LGSN: variants seen among roughly 807,000 people sequenced by gnomAD.
The protein encoded by LGSN is lengsin, lens protein with glutamine synthetase domain.
In LGSN, 21 loss-of-function variants were observed where a neutral mutation model predicts 19.5. The ratio of observed to expected loss-of-function variants is 1.07; its 90% CI spans 0.76 to 1.55. LGSN has a LOEUF of 1.55. Among genes scored for constraint, LGSN ranks in the 40% most tolerant of loss-of-function variants. The probability of loss-of-function intolerance (pLI) is 0.00; values close to 1 mark genes in which losing one functional copy is unlikely to be tolerated. For synonymous variants in LGSN, 257 were observed against 215.6 expected (o/e 1.19, Z -1.68); for missense variants, 673 against 608.5 (o/e 1.11, Z -1.12).
chr6:63,284,799 A>G (rs1173830078), intron 3 of LGSN, among the ~76,000 whole-genome samples: 2 of 152,198 alleles, frequency 1.3e-5, no homozygotes, highest in East Asian at 1.9e-4. Context: ...AGAATTATTT[A>G]AAAAGAGTTT....
the LGSN span, among the ~76,000 whole-genome samples, chr6:63,436,688 A>G: frequency 1.3e-5 from 2 of 152,316 alleles, no homozygotes; most frequent in Middle Eastern, 6.8e-3. Context: ...CAGATTAAGA[A>G]CACACTCATT....
chr6:63,400,289 T>C, the LGSN span, among the ~76,000 whole-genome samples: 1 of 152,188 alleles, frequency 6.6e-6, no homozygotes, highest in African/African-American at 2.4e-5. Flanking sequence ...TCCAGTCTAC[T>C]GGGCAGATGC....
chr6:63,403,738 G>A, the LGSN span, among the ~76,000 whole-genome samples: 2 of 152,034 alleles, frequency 1.3e-5, no homozygotes, highest in Admixed American at 6.6e-5. Context: ...ATACTAAAAG[G>A]TTAATAGGAC....
At chr6:63,341,260 G>T in the LGSN span, among the ~76,000 whole-genome samples, 1 of 152,152 alleles carries the variant, frequency 6.6e-6, no homozygotes, top group African/African-American at 2.4e-5. Flanking sequence ...AGTGGGCAGG[G>T]CCGGCCGATC....
the LGSN span, among the ~76,000 whole-genome samples, chr6:63,448,024 A>T: frequency 6.6e-6 from 1 of 152,344 alleles, no homozygotes; most frequent in Middle Eastern, 3.4e-3. Flanking sequence ...TAAAAGAATG[A>T]TTCTTTCATT....
chr6:63,363,260 T>C, the LGSN span, among the ~76,000 whole-genome samples: 6 of 152,138 alleles, frequency 3.9e-5, no homozygotes, highest in Non-Finnish European at 7.4e-5. Context: ...AGAGCAGAAA[T>C]GCTGAAAATT....
chr6:63,479,611 G>C, the LGSN span, among the ~76,000 whole-genome samples: 1 of 152,050 alleles, frequency 6.6e-6, no homozygotes, highest in African/African-American at 2.4e-5. Flanking sequence ...ATGGTGGTGG[G>C]CACCTGTAGT....
intron 2 of LGSN, 76 bp downstream of exon 2, chr6:63,294,837 T>A (rs974434156): frequency 1.4e-5 from 20 of 1,403,302 alleles, no homozygotes; most frequent in Non-Finnish European, 1.8e-5. Context: ...GAAATGAAGA[T>A]GTTTTATGAA....
the LGSN span, among the ~76,000 whole-genome samples, chr6:63,465,036 A>C: frequency 4.0e-5 from 6 of 151,698 alleles, no homozygotes; most frequent in Admixed American, 3.9e-4. Flanking sequence ...CAAAAAAAAA[A>C]AAAAAAACTT....
chr6:63,480,851 A>G, the LGSN span, among the ~76,000 whole-genome samples: 1 of 149,632 alleles, frequency 6.7e-6, no homozygotes, highest in African/African-American at 2.5e-5. Flanking sequence ...TTGCACACAT[A>G]TTTTTATAGC....
the LGSN span, among the ~76,000 whole-genome samples, chr6:63,369,941 G>A: frequency 2.0e-5 from 3 of 152,116 alleles, no homozygotes; most frequent in Non-Finnish European, 2.9e-5. Flanking sequence ...GGCCGAGGCT[G>A]CAGTTAGCCA....
the LGSN span, among the ~76,000 whole-genome samples, chr6:63,422,828 A>T: frequency 1.3e-5 from 2 of 152,152 alleles, no homozygotes; most frequent in Non-Finnish European, 2.9e-5. Context: ...ACAAACAGAA[A>T]ATCAAAAAAC....
the LGSN span, among the ~76,000 whole-genome samples, chr6:63,544,127 G>A: frequency 3.3e-5 from 5 of 152,106 alleles, no homozygotes; most frequent in Non-Finnish European, 7.4e-5. Flanking sequence ...GGGGAGTAAA[G>A]ACTACCAGAC....
the LGSN span, among the ~76,000 whole-genome samples, chr6:63,426,577 C>A: frequency 6.6e-6 from 1 of 152,160 alleles, no homozygotes; most frequent in Non-Finnish European, 1.5e-5. Flanking sequence ...TGCAATGGCA[C>A]AATCCCAGCT....
the LGSN span, among the ~76,000 whole-genome samples, chr6:63,420,138 G>T: frequency 3.3e-5 from 5 of 151,186 alleles, no homozygotes; most frequent in Admixed American, 1.3e-4. Context: ...GGGAGGCGGA[G>T]CTTGCAGTGA....
the LGSN span, among the ~76,000 whole-genome samples, chr6:63,434,621 A>G: frequency 1.3e-3 from 198 of 150,676 alleles, 1 homozygote; most frequent in Middle Eastern, 6.8e-3. Flanking sequence ...AAAAAAAAAA[A>G]AAAGAAAGAA....
chr6:63,403,235 A>T, the LGSN span, among the ~76,000 whole-genome samples: 1 of 152,064 alleles, frequency 6.6e-6, no homozygotes, highest in African/African-American at 2.4e-5. Context: ...TTTAAGTAAA[A>T]GTTTGCATTT....
chr6:63,570,947 C>G, the LGSN span: 1 of 152,174 alleles, frequency 6.6e-6, no homozygotes, highest in East Asian at 1.9e-4. Context: ...AGCTTTGCCC[C>G]TACCACCCAA....
At chr6:63,469,723 T>C in the LGSN span, among the ~76,000 whole-genome samples, 1 of 152,150 alleles carries the variant, frequency 6.6e-6, no homozygotes, top group Non-Finnish European at 1.5e-5. Flanking sequence ...GCATTTATTG[T>C]TTTGTTTTGT....
Sources: allele counts gnomAD v4.1 joint callset (sites outside exome capture counted in the v4.1 genomes callset), GRCh38; gene constraint gnomAD v4.1.1; transcripts MANE v1.5; gene names NCBI Gene and HGNC (gene_info 2026-07-23, HGNC 2026-07-21).